The following CNTNAP2 variants were observed in gnomAD, a reference collection of about 807,000 sequenced individuals.
CNTNAP2 encodes the protein contactin-associated protein-like 2.
Under a neutral mutation model 155.2 loss-of-function variants are expected in CNTNAP2, and 98 were observed. The ratio of observed to expected loss-of-function variants is 0.63; its 90% CI spans 0.54 to 0.75. The LOEUF (loss-of-function observed/expected upper bound fraction) is 0.75. CNTNAP2 is among the 30% of genes least tolerant of loss of function. CNTNAP2 has a pLI of 0.00. For synonymous variants in CNTNAP2, 651 were observed against 631.2 expected, an observed-to-expected ratio of 1.03 and a Z score of -0.47; for missense variants, 1,727 against 1,688.1, an observed-to-expected ratio of 1.02 and a Z score of -0.40.
intron 22 of CNTNAP2, among the ~76,000 whole-genome samples, chr7:148,401,095 G>T (rs1330496033): frequency 6.6e-6 from 1 of 152,256 alleles, no homozygotes; most frequent in African/African-American, 2.4e-5. Context: ...TTTGATCTGA[G>T]TTTGGTTGAA....
At chr7:146,969,367 G>T (rs1260779936) in intron 3 of CNTNAP2, among the ~76,000 whole-genome samples, 2 of 152,174 alleles carry the variant, frequency 1.3e-5, no homozygotes, top group East Asian at 1.9e-4. Flanking sequence ...GGGTATCCTT[G>T]TTAACTTTCT....
intron 1 of CNTNAP2, among the ~76,000 whole-genome samples, chr7:146,659,427 A>G (rs1800048993): frequency 6.6e-6 from 1 of 152,216 alleles, no homozygotes; most frequent in South Asian, 2.1e-4. Context: ...GTGAAAAATA[A>G]CTTCCTCATA....
rs1315213770 is a variant in CNTNAP2, at chr7:147,032,894, C to T, written c.403-11013C>T. Among the ~76,000 whole-genome samples the T allele has an allele frequency of 2.0e-5, 3 of 151,930 alleles. No homozygotes were observed. The South Asian group carries it at 6.2e-4, about 32-fold the overall frequency. ...GTTGAGTAGGCTGAGAACAAATGAT[C>T]ACAAAGAAGGAAACCTATTGAATAC... On this transcript the variant is annotated intron_variant, in intron 3 of 23. Transcript: ENST00000361727.
At position 148,247,617 on chromosome 7, in the gene CNTNAP2, C is replaced by A. The variant is rs1563010437; in HGVS notation, c.3381+17838C>A. Among the ~76,000 whole-genome samples, 386 of 146,810 alleles carry A rather than the reference C, an allele frequency of 2.6e-3. 2 individuals are homozygous for A. Among genetic ancestry groups the A allele is most frequent in the African/African-American group, 8.2e-3 (318 of 38,928 alleles). On this transcript the variant is annotated intron_variant, in intron 20 of 23. Transcript: ENST00000361727. ...CCATTCTCTCTCTCTCTCTCTCTCT[C>A]TCTCTCTCTATTTATTTATTTATTT...
chr7:148,022,043 T>C (rs1235353128), intron 15 of CNTNAP2, among the ~76,000 whole-genome samples: 1 of 152,208 alleles, frequency 6.6e-6, no homozygotes, highest in Admixed American at 6.6e-5. Flanking sequence ...TCTCTCTCCC[T>C]GGACACTCTC....
intron 1 of CNTNAP2, among the ~76,000 whole-genome samples, chr7:146,346,554 T>A (rs1165190917): frequency 6.6e-6 from 1 of 152,108 alleles, no homozygotes. Flanking sequence ...TGATTGTGCA[T>A]GCCTGTAATC....
intron 9 of CNTNAP2, among the ~76,000 whole-genome samples, chr7:147,381,057 G>A (rs1417031950): frequency 6.6e-6 from 1 of 152,040 alleles, no homozygotes; most frequent in Non-Finnish European, 1.5e-5. Flanking sequence ...AAACTTGCAC[G>A]CTACTCCCTC....
At chr7:148,014,816 A>G (rs1461099968) in intron 15 of CNTNAP2, among the ~76,000 whole-genome samples, 1 of 152,226 alleles carries the variant, frequency 6.6e-6, no homozygotes, top group Non-Finnish European at 1.5e-5. Flanking sequence ...GGAACCAACT[A>G]GAAAACATCA....
chr7:147,333,245 G>C (rs915020658), intron 9 of CNTNAP2, among the ~76,000 whole-genome samples: 3 of 152,124 alleles, frequency 2.0e-5, no homozygotes, highest in African/African-American at 4.8e-5. Flanking sequence ...TGACTACAGA[G>C]AGAATACTGA....
At chr7:147,433,350 C>T (rs1472034148) in intron 10 of CNTNAP2, among the ~76,000 whole-genome samples, 1 of 152,148 alleles carries the variant, frequency 6.6e-6, no homozygotes, top group Non-Finnish European at 1.5e-5. Flanking sequence ...ATTGAAAATT[C>T]TGCCTGAAAC....
intron 13 of CNTNAP2, among the ~76,000 whole-genome samples, chr7:147,844,761 T>C (rs1798799528): frequency 3.8e-5 from 2 of 53,322 alleles, no homozygotes; most frequent in African/African-American, 1.5e-4. Context: ...TATTTTGAAA[T>C]ACGTCCCATC....
intron 18 of CNTNAP2, among the ~76,000 whole-genome samples, chr7:148,207,241 G>A (rs371506546): frequency 2.6e-5 from 4 of 152,228 alleles, no homozygotes; most frequent in African/African-American, 9.7e-5. Context: ...CGGCACTTGC[G>A]GAAGGAGATG....
At position 147,341,769 on chromosome 7, in the gene CNTNAP2, T is replaced by TACACAC. The variant is rs35486619; in HGVS notation, c.1498+41507_1498+41512dup. Among the ~76,000 whole-genome samples, 152 of 147,416 alleles carry TACACAC rather than the reference T, an allele frequency of 1.0e-3. 1 individual carries two copies. The highest frequency in any genetic ancestry group is 3.6e-3 in the African/African-American group (144 of 39,862). ...AGGCTATCACACACACACATACACATACACACACACACACACACACACACA... is the reference window on the plus strand; with the variant it reads ...AGGCTATCACACACACACATACACATACACACACACACACACACACACACACACACA... On this transcript the variant is annotated intron_variant, in intron 9 of 23. Transcript: ENST00000361727.
At position 147,176,833 on chromosome 7, in the gene CNTNAP2, T is replaced by G. The variant is rs576219838; in HGVS notation, c.1348+44324T>G. On this transcript the variant is annotated intron_variant, in intron 8 of 23. Coordinates refer to ENST00000361727, the MANE Select transcript of CNTNAP2 (RefSeq NM_014141.6). ...ATAGATATAGAATAATTATAATATA[T>G]AATTATATATTATAATATATAATAG... is the stretch of plus-strand genomic sequence containing the variant. Among the ~76,000 whole-genome samples, 220 of 125,802 alleles carry G rather than the reference T, an allele frequency of 1.7e-3. 2 individuals carry two copies. The highest frequency in any genetic ancestry group is 6.5e-3 in the African/African-American group (209 of 32,382). The allele number at this position is 125,802 out of a possible 152,430, so 82.5% of individuals were successfully genotyped here. A position where few individuals can be genotyped will look rare whatever the true frequency, so the allele number is the denominator to read the frequency against.
chr7:148,240,288 G>A (rs1025175140), intron 20 of CNTNAP2, among the ~76,000 whole-genome samples: 6 of 152,116 alleles, frequency 3.9e-5, no homozygotes, highest in Admixed American at 1.3e-4. Context: ...TTCTGGGAGG[G>A]GAGAAAAGAT....
intron 1 of CNTNAP2, among the ~76,000 whole-genome samples, chr7:146,227,360 G>A (rs1291039242): frequency 6.6e-6 from 1 of 150,494 alleles, no homozygotes; most frequent in Non-Finnish European, 1.5e-5. Flanking sequence ...AGGACGTGGA[G>A]GCTGCAGTGA....
At chr7:147,937,966 G>A (rs186938359) in intron 14 of CNTNAP2, among the ~76,000 whole-genome samples, 2 of 152,142 alleles carry the variant, frequency 1.3e-5, no homozygotes, top group Admixed American at 1.3e-4. Context: ...TCTTAACCAT[G>A]GTTAATTCTC....
chr7:147,455,170 T>A (rs12703911), intron 10 of CNTNAP2, among the ~76,000 whole-genome samples: 31,104 of 152,070 alleles, frequency 0.2, 3,478 homozygotes, highest in Non-Finnish European at 0.25. Flanking sequence ...TAGACTTGAT[T>A]CACCAAAGCT....
intron 1 of CNTNAP2, among the ~76,000 whole-genome samples, chr7:146,576,408 A>T (rs998456120): frequency 6.6e-6 from 1 of 152,144 alleles, no homozygotes; most frequent in Non-Finnish European, 1.5e-5. Flanking sequence ...AAATTTATGT[A>T]ACCCCCAGTG....
Sources: allele counts gnomAD v4.1 joint callset (sites outside exome capture counted in the v4.1 genomes callset), GRCh38; gene constraint gnomAD v4.1.1; transcripts MANE v1.5; gene names NCBI Gene and HGNC (gene_info 2026-07-23, HGNC 2026-07-21).